The following MARCHF1 variants were observed in gnomAD, a reference collection of about 807,000 sequenced individuals.
MARCHF1 encodes the protein membrane associated ring-CH-type finger 1, also known as E3 ubiquitin-protein ligase MARCHF1.
A neutral mutation model predicts 54.2 loss-of-function variants in MARCHF1; 40 were observed. The ratio of observed to expected loss-of-function variants is 0.74; its 90% CI spans 0.57 to 0.96. The LOEUF is 0.96. MARCHF1 is among the 40% of genes least tolerant of loss of function. The pLI is 0.00. For synonymous variants in MARCHF1, 236 were observed against 236.3 expected (o/e 1.00, Z 0.01); for missense variants, 586 against 656.5 (o/e 0.89, Z 1.17).
At chr4:164,171,055 T>C (rs975302261) in intron 1 of MARCHF1, among the ~76,000 whole-genome samples, 1 of 152,210 alleles carries the variant, frequency 6.6e-6, no homozygotes, top group African/African-American at 2.4e-5. Flanking sequence ...TTTCATTTTA[T>C]AGTAACCAAC....
intron 1 of MARCHF1, among the ~76,000 whole-genome samples, chr4:164,216,817 C>T (rs1169418242): frequency 1.3e-5 from 2 of 152,142 alleles, no homozygotes; most frequent in South Asian, 2.1e-4. Context: ...AAATTCCTGA[C>T]TTTACAAACA....
intron 9 of MARCHF1, among the ~76,000 whole-genome samples, chr4:163,539,001 TTTTATTTA>T (rs56805784): frequency 0.017 from 2,520 of 149,070 alleles, 62 homozygotes; most frequent in African/African-American, 0.057. Flanking sequence ...CTCCTGATGC[TTTTATTTA>T]TTTATTTATT....
intron 3 of MARCHF1, among the ~76,000 whole-genome samples, chr4:163,906,829 C>A (rs1247479966): frequency 8.4e-5 from 2 of 23,898 alleles, no homozygotes; most frequent in South Asian, 6.7e-3. Context: ...GATATATACA[C>A]CCCTCCCCCC....
intron 1 of MARCHF1, among the ~76,000 whole-genome samples, chr4:164,285,704 G>A (rs951997446): frequency 6.7e-6 from 1 of 150,336 alleles, no homozygotes; most frequent in Non-Finnish European, 1.5e-5. Context: ...CTCGTAATCC[G>A]CCCGCCTCAG....
chr4:163,535,207 A>AG (rs1467762846), intron 9 of MARCHF1, among the ~76,000 whole-genome samples: 3 of 152,024 alleles, frequency 2.0e-5, no homozygotes, highest in Non-Finnish European at 4.4e-5. Flanking sequence ...AAAAAAATTG[A>AG]GGGGGGTATA....
intron 1 of MARCHF1, among the ~76,000 whole-genome samples, chr4:164,206,337 T>C (rs1308324393): frequency 2.6e-5 from 4 of 152,090 alleles, no homozygotes; most frequent in East Asian, 1.9e-4. Flanking sequence ...CTCGGGAGGC[T>C]GAGGCAGGAG....
intron 1 of MARCHF1, among the ~76,000 whole-genome samples, chr4:164,224,703 C>G (rs958311314): frequency 6.6e-5 from 10 of 151,864 alleles, no homozygotes; most frequent in Admixed American, 3.9e-4. Flanking sequence ...ATGTAGAATG[C>G]TAGAATAAAC....
At chr4:163,756,295 GT>G (rs1746663699) in intron 4 of MARCHF1, among the ~76,000 whole-genome samples, 1 of 152,048 alleles carries the variant, frequency 6.6e-6, no homozygotes, top group East Asian at 1.9e-4. Context: ...TACTACACCA[GT>G]ATAGAGAGAT....
At chr4:164,170,819 T>C (rs1359899514) in intron 1 of MARCHF1, among the ~76,000 whole-genome samples, 1 of 152,004 alleles carries the variant, frequency 6.6e-6, no homozygotes, top group Non-Finnish European at 1.5e-5. Context: ...GAAATCACTG[T>C]GGAGGTGAGA....
chr4:163,821,640 G>A (rs556592005), intron 4 of MARCHF1, among the ~76,000 whole-genome samples: 1 of 151,926 alleles, frequency 6.6e-6, no homozygotes, highest in South Asian at 2.1e-4. Context: ...TAGTTTTTAG[G>A]TTCTAATTTT....
chr4:164,215,249 A>G (rs576671885), intron 1 of MARCHF1, among the ~76,000 whole-genome samples: 73 of 152,228 alleles, frequency 4.8e-4, no homozygotes, highest in Non-Finnish European at 1.0e-3. Flanking sequence ...TTTCCCCTGG[A>G]GCATTCGCCA....
chr4:163,644,941 A>G (rs2111046719), intron 5 of MARCHF1, among the ~76,000 whole-genome samples: 1 of 152,264 alleles, frequency 6.6e-6, no homozygotes, highest in East Asian at 1.9e-4. Flanking sequence ...TACCCCAGAG[A>G]TAGGCTGAAT....
intron 1 of MARCHF1, among the ~76,000 whole-genome samples, chr4:164,157,922 A>G (rs1447040061): frequency 6.6e-6 from 1 of 152,166 alleles, no homozygotes; most frequent in Admixed American, 6.5e-5. Flanking sequence ...AAACAACTGC[A>G]ACAACAGCAA....
At chr4:164,091,934 C>T (rs1394250703) in intron 2 of MARCHF1, among the ~76,000 whole-genome samples, 3 of 149,410 alleles carry the variant, frequency 2.0e-5, no homozygotes, top group African/African-American at 7.4e-5. Context: ...ATGGAGGATC[C>T]CAATAATTAG....
At chr4:164,201,278 G>A (rs1198410388) in intron 1 of MARCHF1, among the ~76,000 whole-genome samples, 3 of 152,136 alleles carry the variant, frequency 2.0e-5, no homozygotes, top group Non-Finnish European at 4.4e-5. Flanking sequence ...GGAGTGCAAT[G>A]GTGCGATCTC....
chr4:164,381,992 A>T (rs1024706029), intron 1 of MARCHF1, among the ~76,000 whole-genome samples: 1 of 152,206 alleles, frequency 6.6e-6, no homozygotes, highest in Non-Finnish European at 1.5e-5. Flanking sequence ...TTTGCTCATA[A>T]CATTGGTCTC....
chr4:163,986,549 G>A (rs1417540977), intron 3 of MARCHF1, among the ~76,000 whole-genome samples: 1 of 152,112 alleles, frequency 6.6e-6, no homozygotes, highest in African/African-American at 2.4e-5. Flanking sequence ...ACAGGCGTGA[G>A]CCACGGCACC....
In MARCHF1 at chr4:164,261,401, C is replaced by A. The variant is rs1263161280; in HGVS notation, c.-323+122469G>T. 2.0e-5 allele frequency among the ~76,000 whole-genome samples: 3 copies of A among 152,156 alleles called. No individual in the cohort carries two copies. The East Asian group carries it at 5.8e-4, about 29-fold the overall frequency. On this transcript the variant is annotated intron_variant, in intron 1 of 9. Coordinates refer to ENST00000514618, the MANE Select transcript of MARCHF1 (RefSeq NM_001394959.1). ...TCCAAAATCATACATTCCTGACTCA[C>A]TTCAATGAATTCTTCATTCAGCAAA...
At chr4:163,717,778 G>A in intron 4 of MARCHF1, among the ~76,000 whole-genome samples, 1 of 152,068 alleles carries the variant, frequency 6.6e-6, no homozygotes, top group Non-Finnish European at 1.5e-5. Flanking sequence ...TGTGTCTGTT[G>A]GCTGCATAAA....
Sources: allele counts gnomAD v4.1 joint callset (sites outside exome capture counted in the v4.1 genomes callset), GRCh38; gene constraint gnomAD v4.1.1; transcripts MANE v1.5; gene names NCBI Gene and HGNC (gene_info 2026-07-23, HGNC 2026-07-21).